The following PCDH9 variants were observed in gnomAD, a reference collection of about 807,000 sequenced individuals.
PCDH9 encodes the protein protocadherin-9.
PCDH9 carries 24 observed loss-of-function variants against 70.6 expected under a neutral mutation model. The observed-to-expected ratio is 0.34, with a 90% confidence interval of 0.25 to 0.48. The LOEUF is 0.48. Ranked by LOEUF, PCDH9 falls within the 20% of genes least tolerant of loss-of-function variation. The pLI is 0.99. For missense variants in PCDH9, 1,281 were observed against 1,503.6 expected (o/e 0.85, Z 2.45); for synonymous variants, 562 against 558.5 (o/e 1.01, Z -0.09).
chr13:66,991,432 C>T (rs140703992), intron 2 of PCDH9, among the ~76,000 whole-genome samples: 58 of 151,448 alleles, frequency 3.8e-4, no homozygotes, highest in African/African-American at 1.4e-3. Context: ...AGGTTGCATA[C>T]TAATAAGAAA....
intron 2 of PCDH9, among the ~76,000 whole-genome samples, chr13:67,095,433 T>C (rs1460281733): frequency 1.3e-5 from 2 of 152,100 alleles, no homozygotes; most frequent in African/African-American, 2.4e-5. Flanking sequence ...AGTTCATACG[T>C]TTATGTGGGT....
chr13:67,105,204 C>T (rs2086514636), intron 2 of PCDH9, among the ~76,000 whole-genome samples: 1 of 151,552 alleles, frequency 6.6e-6, no homozygotes, highest in African/African-American at 2.4e-5. Flanking sequence ...CACTTTTTGG[C>T]AAAAGAACAA....
chr13:67,030,331 T>A (rs2084878188), intron 2 of PCDH9, among the ~76,000 whole-genome samples: 1 of 152,176 alleles, frequency 6.6e-6, no homozygotes, highest in African/African-American at 2.4e-5. Context: ...TTGCTTCAAC[T>A]GAGGCTAAGA....
rs143618086 is a variant in PCDH9, at chr13:66,997,876, C to A, written c.3037-94271G>T. Among the ~76,000 whole-genome samples, 128 of 152,152 alleles carry A rather than the reference C, an allele frequency of 8.4e-4. 1 individual carries two copies. In the East Asian group the frequency reaches 0.023, roughly 28 times the overall value. ...ATGAGATTTAGAGGGAACAAAACAA[C>A]CAAACCATATCAGGATGAAAAGAAA... On this transcript the variant is annotated intron_variant, in intron 2 of 4. Coordinates refer to ENST00000377865, the MANE Select transcript of PCDH9 (RefSeq NM_203487.3).
intron 2 of PCDH9, among the ~76,000 whole-genome samples, chr13:67,094,588 T>C (rs1169191003): frequency 6.6e-6 from 1 of 152,008 alleles, no homozygotes; most frequent in Non-Finnish European, 1.5e-5. Context: ...GGCATAAGAA[T>C]ATCATGATAT....
chr13:67,211,504 G>A (rs1470709695), intron 2 of PCDH9: 1 of 151,898 alleles, frequency 6.6e-6, no homozygotes, highest in South Asian at 2.1e-4. Flanking sequence ...TTGAAATTTG[G>A]GGATGACCTT....
chr13:66,618,518 G>A (rs1257345339), intron 4 of PCDH9, among the ~76,000 whole-genome samples: 1 of 152,040 alleles, frequency 6.6e-6, no homozygotes, highest in Non-Finnish European at 1.5e-5. Flanking sequence ...ATGTTTGTAT[G>A]TATCTAAAGA....
intron 3 of PCDH9, among the ~76,000 whole-genome samples, chr13:66,806,095 T>G (rs940045117): frequency 6.6e-6 from 1 of 152,078 alleles, no homozygotes; most frequent in Non-Finnish European, 1.5e-5. Context: ...TATGTATATA[T>G]GTGTTTGTGT....
intron 4 of PCDH9, among the ~76,000 whole-genome samples, chr13:66,408,820 C>T (rs190554172): frequency 6.6e-4 from 101 of 152,122 alleles, no homozygotes; most frequent in Non-Finnish European, 1.1e-3. Context: ...AAACATTTTC[C>T]AGTTTCAAAA....
At chr13:66,411,127 G>A (rs1324537750) in intron 4 of PCDH9, among the ~76,000 whole-genome samples, 3 of 152,122 alleles carry the variant, frequency 2.0e-5, no homozygotes, top group Non-Finnish European at 4.4e-5. Flanking sequence ...ATAATATTTT[G>A]TACTTCTCAG....
intron 2 of PCDH9, among the ~76,000 whole-genome samples, chr13:66,967,926 G>C (rs1458382309): frequency 6.6e-6 from 1 of 151,914 alleles, no homozygotes; most frequent in Admixed American, 6.6e-5. Context: ...TCATGTTTGT[G>C]GAATGAGGGA....
At chr13:66,957,533 G>A (rs1394586908) in intron 2 of PCDH9, among the ~76,000 whole-genome samples, 1 of 152,188 alleles carries the variant, frequency 6.6e-6, no homozygotes, top group Non-Finnish European at 1.5e-5. Flanking sequence ...GCTGGGAACT[G>A]AAATGAAAGC....
At chr13:67,205,395 A>T (rs1343572518) in intron 2 of PCDH9, 1 of 152,154 alleles carries the variant, frequency 6.6e-6, no homozygotes, top group East Asian at 1.9e-4. Flanking sequence ...TATACTTATC[A>T]GTAAGGGACT....
intron 2 of PCDH9, among the ~76,000 whole-genome samples, chr13:67,175,882 G>T (rs1403616547): frequency 6.6e-6 from 1 of 151,752 alleles, no homozygotes; most frequent in Non-Finnish European, 1.5e-5. Context: ...CAGACATAGA[G>T]AATGTGTCTA....
At chr13:66,980,125 TATCTATC>T (rs949371684) in intron 2 of PCDH9, among the ~76,000 whole-genome samples, 4 of 149,314 alleles carry the variant, frequency 2.7e-5, no homozygotes, top group African/African-American at 5.0e-5. Context: ...TCTATCTATC[TATCTATC>T]ATCACTTCTG....
intron 2 of PCDH9, among the ~76,000 whole-genome samples, chr13:67,151,294 T>G (rs1246928704): frequency 6.6e-6 from 1 of 152,208 alleles, no homozygotes. Context: ...TAAGTAGGGA[T>G]GGAATTGTTT....
intron 3 of PCDH9, among the ~76,000 whole-genome samples, chr13:66,806,502 T>A (rs1370899675): frequency 7.3e-6 from 1 of 137,252 alleles, no homozygotes; most frequent in African/African-American, 2.5e-5. Context: ...TGGCTATGTA[T>A]GATTACCTTT....
At chr13:67,005,801 A>G (rs1191938187) in intron 2 of PCDH9, among the ~76,000 whole-genome samples, 3 of 152,194 alleles carry the variant, frequency 2.0e-5, no homozygotes, top group African/African-American at 7.2e-5. Context: ...ATATTCTTTT[A>G]ATAACATAAT....
chr13:66,781,843 A>G (rs1317890854), intron 3 of PCDH9, among the ~76,000 whole-genome samples: 1 of 149,454 alleles, frequency 6.7e-6, no homozygotes, highest in Non-Finnish European at 1.5e-5. Context: ...TTTCAATAAC[A>G]TCTATCACAT....
Sources: allele counts gnomAD v4.1 joint callset (sites outside exome capture counted in the v4.1 genomes callset), GRCh38; gene constraint gnomAD v4.1.1; transcripts MANE v1.5; gene names NCBI Gene and HGNC (gene_info 2026-07-23, HGNC 2026-07-21).